BRWD1: variants seen among roughly 807,000 people sequenced by gnomAD.
BRWD1 encodes bromodomain and WD repeat domain containing 1.
In BRWD1, 82 loss-of-function variants were observed where a neutral mutation model predicts 251.2. The observed-to-expected ratio is 0.33, with a 90% CI of 0.27 to 0.39. The LOEUF (loss-of-function observed/expected upper bound fraction) is 0.39, where lower values mean the gene tolerates loss of function less well. Ranked by LOEUF, BRWD1 falls within the 10% of genes least tolerant of loss-of-function variation. BRWD1 has a pLI of 1.00. For synonymous variants in BRWD1, 918 were observed against 902.8 expected, an observed-to-expected ratio of 1.02 and a Z score of -0.30; for missense variants, 2,233 against 2,711.6, an observed-to-expected ratio of 0.82 and a Z score of 3.92.
intron 25 of BRWD1, among the ~76,000 whole-genome samples, chr21:39,231,425 G>A (rs1457841840): frequency 1.3e-5 from 2 of 152,090 alleles, no homozygotes; most frequent in African/African-American, 4.8e-5. Context: ...GTAAGTGACT[G>A]TGTGAATGCA....
At chr21:39,253,622 C>A (rs1336292526) in intron 19 of BRWD1, among the ~76,000 whole-genome samples, 1 of 152,132 alleles carries the variant, frequency 6.6e-6, no homozygotes, top group Admixed American at 6.5e-5. Flanking sequence ...CATCACAATT[C>A]CACATTTTGC....
At chr21:39,305,991 T>C (rs1228620079) in intron 4 of BRWD1, among the ~76,000 whole-genome samples, 1 of 151,936 alleles carries the variant, frequency 6.6e-6, no homozygotes, top group African/African-American at 2.4e-5. Flanking sequence ...CCATTCATTA[T>C]TGGGTCACTG....
intron 21 of BRWD1, among the ~76,000 whole-genome samples, chr21:39,245,736 A>C (rs550420953): frequency 3.9e-5 from 6 of 152,048 alleles, no homozygotes; most frequent in African/African-American, 1.4e-4. Flanking sequence ...AATAGCTGGG[A>C]TCACATGCAC....
In BRWD1 at chr21:39,249,913, GGGGTGTGTGTGTGTGT is replaced by G. The variant is rs1315782035; in HGVS notation, c.2349+867_2349+882del. Among the ~76,000 whole-genome samples, 463 of 132,562 alleles carry G rather than the reference GGGGTGTGTGTGTGTGT, an allele frequency of 3.5e-3. 3 individuals carry two copies. The highest frequency in any genetic ancestry group is 0.012 in the African/African-American group (420 of 35,344). 87.0% of individuals were successfully genotyped at this position (132,562 alleles called of 152,430 possible). ...CAGAACCAAGATCAAAAAAAGAAGG[GGGGTGTGTGTGTGTGT>G]GTGTGTGTGTGTGTGTGTGTGTGTG... On this transcript the variant is annotated intron_variant, in intron 20 of 40. Coordinates refer to ENST00000342449, the MANE Select transcript of BRWD1 (RefSeq NM_033656.4).
chr21:39,253,821 A>G (rs746648297), intron 19 of BRWD1, among the ~76,000 whole-genome samples: 3 of 152,226 alleles, frequency 2.0e-5, no homozygotes, highest in Admixed American at 6.5e-5. Flanking sequence ...AACATTTTAG[A>G]TATCATTCTA....
intron 4 of BRWD1, among the ~76,000 whole-genome samples, chr21:39,307,292 T>C (rs2036317960): frequency 6.6e-6 from 1 of 152,234 alleles, no homozygotes; most frequent in African/African-American, 2.4e-5. Flanking sequence ...AACCTAACCA[T>C]GAATTTTCTA....
At position 39,191,506 on chromosome 21, in the gene BRWD1, A is replaced by C. The variant is rs2031553540; in HGVS notation, c.*4753T>G. ...CATCTAAATGAATAGATTAATTTAG[A>C]ACATTAACGATCTTATGTGAAGTGG... On this transcript the variant is annotated 3_prime_UTR_variant, in exon 41 of 41. Transcript: ENST00000342449. 3.1e-6 allele frequency: 3 copies of C among 978,438 alleles called. 1 individual carries two copies. The Admixed American group carries it at 1.8e-4, about 60-fold the overall frequency. The allele number at this position is 978,438 out of a possible 1,614,324, so 60.6% of individuals were successfully genotyped here.
At chr21:39,199,780 C>T (rs1227536723) in intron 39 of BRWD1, 118 bp from the exon 40 acceptor site, 20 of 1,062,624 alleles carry the variant, frequency 1.9e-5, no homozygotes, top group East Asian at 2.6e-5. Flanking sequence ...GACGGAGTTT[C>T]GCTCTTGTTG....
At chr21:39,271,988 G>A (rs1460204495) in intron 13 of BRWD1, among the ~76,000 whole-genome samples, 2 of 127,812 alleles carry the variant, frequency 1.6e-5, no homozygotes, top group African/African-American at 3.1e-5. Flanking sequence ...GCAATGAGCT[G>A]AGACCGTGCC....
At position 39,206,072 on chromosome 21, in the gene BRWD1, T is replaced by C. The variant is rs754882595; in HGVS notation, c.4364+36A>G. 17 of 1,572,090 alleles carry C rather than the reference T, an allele frequency of 1.1e-5. 1 individual carries two copies. The South Asian group carries it at 1.9e-4, about 17-fold the overall frequency. ...CAGTGAGACTCTCTCCAAAATTAAA[T>C]AAATAAATAAAGCAAGCTTGCCATA... On this transcript the variant is annotated intron_variant, in intron 37 of 40. Coordinates refer to ENST00000342449, the MANE Select transcript of BRWD1 (RefSeq NM_033656.4).
At chr21:39,218,448 A>G in intron 30 of BRWD1, 57 bp downstream of exon 30, 1 of 1,486,288 alleles carries the variant, frequency 6.7e-7, no homozygotes, top group Non-Finnish European at 9.0e-7. Context: ...ATTTTTAAAT[A>G]CCTTTATGAA....
chr21:39,298,794 T>G (rs991415100), intron 4 of BRWD1, among the ~76,000 whole-genome samples: 25 of 152,150 alleles, frequency 1.6e-4, no homozygotes, highest in African/African-American at 5.8e-4. Context: ...CAGCAACATT[T>G]TTTTTTGTAG....
At chr21:39,211,140 A>C (rs2032639636) in intron 34 of BRWD1, among the ~76,000 whole-genome samples, 1 of 152,248 alleles carries the variant, frequency 6.6e-6, no homozygotes, top group Admixed American at 6.5e-5. Flanking sequence ...TTACAAAGTT[A>C]GCTATGAAAA....
intron 7 of BRWD1, 41 bp from the exon 8 acceptor site, chr21:39,294,073 A>G: frequency 6.6e-7 from 1 of 1,504,370 alleles, no homozygotes; most frequent in South Asian, 1.2e-5. Flanking sequence ...TAGTACAGCA[A>G]ATCTTTTAAA....
rs926133394 is a variant in BRWD1, at chr21:39,195,624, GACA to G, written c.*632_*634del. Reference sequence around the variant, plus strand: ...AAATTCAAGTTTATAACATAAAAGTGACAACGTTTTCCTTAAGAAGAAAAAAAC... The same window carrying G: ...AAATTCAAGTTTATAACATAAAAGTGACGTTTTCCTTAAGAAGAAAAAAAC... On this transcript the variant is annotated 3_prime_UTR_variant, in exon 41 of 41. Coordinates refer to ENST00000342449, the MANE Select transcript of BRWD1 (RefSeq NM_033656.4). 6 of 983,934 alleles carry G rather than the reference GACA, an allele frequency of 6.1e-6. No homozygotes were observed. In the Admixed American group the frequency reaches 2.5e-4, roughly 40 times the overall value. 61.0% of individuals were successfully genotyped at this position (983,934 alleles called of 1,614,324 possible). A position where few individuals can be genotyped will look rare whatever the true frequency, so the allele number is the denominator to read the frequency against.
At chr21:39,227,010 T>A (rs146964249) in intron 27 of BRWD1, among the ~76,000 whole-genome samples, 1 of 151,952 alleles carries the variant, frequency 6.6e-6, no homozygotes. Flanking sequence ...AGAATTTACA[T>A]GTTTGTATGC....
At chr21:39,277,901 T>G (rs2035328943) in intron 10 of BRWD1, among the ~76,000 whole-genome samples, 1 of 151,872 alleles carries the variant, frequency 6.6e-6, no homozygotes, top group Non-Finnish European at 1.5e-5. Context: ...CAGGCTGGAG[T>G]GCAGTGGTGT....
Position 39,195,354 on chromosome 21 carries a change from T to A in BRWD1, c.*905A>T. The A allele has an allele frequency of 1.0e-6, 1 of 986,758 alleles. No homozygotes were observed. The highest frequency in any genetic ancestry group is 1.2e-6 in the Non-Finnish European group (1 of 830,494). The allele number at this position is 986,758 out of a possible 1,614,324, so 61.1% of individuals were successfully genotyped here. A position where few individuals can be genotyped will look rare whatever the true frequency, so the allele number is the denominator to read the frequency against. On this transcript the variant is annotated 3_prime_UTR_variant, in exon 41 of 41. Transcript: ENST00000342449. ...TAAATACTCTTTTAGCCCTGTACAC[T>A]CTATTAAAGAACACACTTCTAAATC...
chr21:39,224,070 G>A (rs899791456), intron 29 of BRWD1, among the ~76,000 whole-genome samples: 3 of 152,150 alleles, frequency 2.0e-5, no homozygotes, highest in Non-Finnish European at 2.9e-5. Flanking sequence ...GGCTGGTCTC[G>A]AACTCCTGAT....
Sources: gnomAD v4.1 joint callset for allele counts (sites outside exome capture counted in the v4.1 genomes callset) on GRCh38, gnomAD v4.1.1 for gene constraint, MANE v1.5 for transcripts, NCBI Gene and HGNC (gene_info 2026-07-23, HGNC 2026-07-21) for gene names.